The following LRRC71 variants were observed in gnomAD, a reference collection of about 807,000 sequenced individuals.
The protein encoded by LRRC71 is leucine-rich repeat-containing protein 71.
A neutral mutation model predicts 66.6 loss-of-function variants in LRRC71; 54 were observed. The observed-to-expected ratio is 0.81, with a 90% CI of 0.65 to 1.02. The LOEUF (loss-of-function observed/expected upper bound fraction) is 1.02, where lower values mean the gene tolerates loss of function less well. Ranked by LOEUF, LRRC71 falls within the 50% of genes least tolerant of loss-of-function variation. The pLI, the probability that LRRC71 is intolerant of heterozygous loss-of-function variation, is 0.00. For synonymous variants in LRRC71, 323 were observed against 303.9 expected (o/e 1.06, Z -0.65); for missense variants, 724 against 718.0 (o/e 1.01, Z -0.10).
rs1476340326 is a variant in LRRC71 at position 156,927,609 on chromosome 1, T to C, written c.776T>C (p.Leu259Pro). 6.2e-7 allele frequency: 1 copy of C among 1,602,390 alleles called. No individual in the cohort carries two copies. ...SCNRTLVSLNLGFNHIGDEGA... is the reference protein window; with the variant it reads ...SCNRTLVSLNPGFNHIGDEGA... Reference sequence around the variant, plus strand: ...AACCGGACCCTCGTCTCGCTCAACCTGGGTTTCAACCACATCGGTGACGAG... The same window carrying C: ...AACCGGACCCTCGTCTCGCTCAACCCGGGTTTCAACCACATCGGTGACGAG... Residue 259 changes from leucine to proline, a missense_variant, in exon 7 of 15, where the codon CTG becomes CCG. By Grantham distance (98) the Leu-to-Pro change is moderately conservative. Coordinates refer to ENST00000337428, the MANE Select transcript of LRRC71 (RefSeq NM_144702.3).
the LRRC71 span, chr1:156,940,259 G>C: frequency 6.2e-7 from 1 of 1,611,106 alleles, no homozygotes; most frequent in Admixed American, 1.7e-5. Flanking sequence ...GGCCTGGGAA[G>C]GCCAAGTGGA....
chr1:156,924,777 C>T, intron 4 of LRRC71, 59 bp downstream of exon 4: 1 of 1,537,322 alleles, frequency 6.5e-7, no homozygotes, highest in Non-Finnish European at 8.8e-7. Flanking sequence ...CTCCTGGTGG[C>T]TTGGGAGAGA....
At chr1:156,930,988 C>T (rs774914967) in intron 12 of LRRC71, among the ~76,000 whole-genome samples, 20 of 152,326 alleles carry the variant, frequency 1.3e-4, no homozygotes, top group Non-Finnish European at 2.2e-4. Flanking sequence ...AGGAACAATG[C>T]GTCTTCTTTT....
chr1:156,927,562 G>A lies in LRRC71; in HGVS notation c.729G>A (p.Ala243=), dbSNP rs755236633. Reference sequence around the variant, plus strand: ...GCGGGGCGCAACTCCTGGGCCAGGCGCTGTCCACGCTGCACAGCTGCAACC... The same window carrying A: ...GCGGGGCGCAACTCCTGGGCCAGGCACTGTCCACGCTGCACAGCTGCAACC... The part of the protein sequence containing the change: ...DDRGAQLLGQ[A]LSTLHSCNRT... The change falls in exon 7 of 15, where the codon GCG becomes GCA. Residue 243 remains alanine, a synonymous_variant. Transcript: ENST00000337428. 2.5e-6 allele frequency: 4 copies of A among 1,583,248 alleles called. No homozygotes were observed. Among genetic ancestry groups the A allele is most frequent in the South Asian group, 2.3e-5 (2 of 86,254 alleles).
chr1:156,927,762 G>T lies in LRRC71; in HGVS notation c.852G>T (p.Trp284Cys). ...TCCGGCTGAACCGTTCCCTGCTCTG[G>T]CTGTCCCTGGCCCACAACCGCATCC... ...DGLRLNRSLL[W>C]LSLAHNRIQD... Residue 284 changes from tryptophan (W) to cysteine (C), a missense_variant, in exon 8 of 15, where the codon TGG (tryptophan) becomes TGT (cysteine). Coordinates refer to ENST00000337428, the MANE Select transcript of LRRC71 (RefSeq NM_144702.3). The T allele has an allele frequency of 6.2e-7, 1 of 1,611,394 alleles. No individual in the cohort carries two copies. The highest frequency in any genetic ancestry group is 8.5e-7 in the Non-Finnish European group (1 of 1,179,734).
rs767024163 is a variant in LRRC71, at chr1:156,920,883, C to T, written c.80C>T (p.Thr27Ile). 6.5e-6 allele frequency: 10 copies of T among 1,540,160 alleles called. No homozygotes were observed. Among genetic ancestry groups the T allele is most frequent in the Non-Finnish European group, 8.8e-6 (10 of 1,142,838 alleles). Residue 27 changes from threonine to isoleucine, a missense_variant, in exon 1 of 15, where the codon ACC becomes ATC. Physicochemically the swap from Thr to Ile is moderately conservative, Grantham distance 89 (BLOSUM62 -1). Transcript: ENST00000337428. This position sits in a 1 kb window ranked among gnomAD's most constrained non-coding sequence, Gnocchi z 4.9. ...ACCCAGAAGTCTTCTGGCGCGGTGA[C>T]CAAAAAGGGAGAGCGCGCGGCCAAA... The part of the protein sequence containing the change: ...PGTQKSSGAV[T>I]KKGERAAKEK...
chr1:156,922,419 G>A lies in LRRC71; in HGVS notation c.160+1456G>A, dbSNP rs149355508. On this transcript the variant is annotated intron_variant, in intron 1 of 14. Transcript: ENST00000337428. ...TAGCAGACACCAACTGTGTGCTGTG[G>A]CAGGGGCAGATGTGGGCTCGTGTCC... 5.6e-4 allele frequency among the ~76,000 whole-genome samples: 86 copies of A among 152,308 alleles called. No individual in the cohort carries two copies. In the East Asian group the frequency reaches 0.016, roughly 28 times the overall value.
At chr1:156,940,119 G>A in the LRRC71 span, 10 of 1,456,284 alleles carry the variant, frequency 6.9e-6, no homozygotes, top group African/African-American at 4.3e-5. Flanking sequence ...AGAGCCTTCG[G>A]GAAGGTGGAG....
downstream of LRRC71, chr1:156,934,947 T>A (rs1248092828): frequency 6.7e-6 from 1 of 148,238 alleles, no homozygotes; most frequent in African/African-American, 2.5e-5. Flanking sequence ...ATATCTATAT[T>A]TTATATATTA....
At chr1:156,927,694 G>GTCC (rs1653430433) in intron 7 of LRRC71, 39 bp downstream of exon 7, 2 of 1,605,390 alleles carry the variant, frequency 1.2e-6, no homozygotes, top group African/African-American at 2.7e-5. Context: ...GGGAGCAGGG[G>GTCC]CGGCTTGGGC....
chr1:156,940,240 T>C, the LRRC71 span: 6 of 1,604,262 alleles, frequency 3.7e-6, no homozygotes, highest in Non-Finnish European at 3.4e-6. Context: ...AGCCCTTCCA[T>C]GAACAGAGGG....
Position 156,929,441 on chromosome 1 carries a change from A to G in LRRC71, c.1146+12A>G, listed in dbSNP as rs773051099. The G allele has an allele frequency of 4.2e-5, 68 of 1,613,692 alleles. No homozygotes were observed. The highest frequency in any genetic ancestry group is 1.5e-4 in the African/African-American group (11 of 74,910). On this transcript the variant is annotated intron_variant, in intron 10 of 14. Coordinates refer to ENST00000337428, the MANE Select transcript of LRRC71 (RefSeq NM_144702.3). ...AGGAGAAATCATGGGTAGGTGTGCA[A>G]TGGGACAGATCCTGGGTGCTGGACG...
intron 6 of LRRC71, 107 bp downstream of exon 6, chr1:156,927,377 C>G (rs939836467): frequency 1.3e-5 from 20 of 1,523,724 alleles, no homozygotes; most frequent in Non-Finnish European, 1.8e-5. Flanking sequence ...CAAGGGCCCT[C>G]GATTTCTGCC....
chr1:156,929,284 C>T lies in LRRC71; in HGVS notation c.1001C>T (p.Ser334Phe). ...KGTQERSRSPSSSRHGDSKTD... is the reference protein window; with the variant it reads ...KGTQERSRSPFSSRHGDSKTD... The stretch of plus-strand genomic sequence containing the variant: ...CCCTCCCATTTGTGAGCACAGCCCT[C>T]CTCCTCTCGACACGGGGACTCCAAA... Residue 334 changes from serine (S) to phenylalanine (F), a missense_variant, in exon 10 of 15, where the codon TCC becomes TTC. By Grantham distance (155) the Ser-to-Phe change is radical (BLOSUM62 -2). Coordinates refer to ENST00000337428, the MANE Select transcript of LRRC71 (RefSeq NM_144702.3). The T allele has an allele frequency of 6.2e-7, 1 of 1,601,770 alleles. No homozygotes were observed. The highest frequency in any genetic ancestry group is 8.5e-7 in the Non-Finnish European group (1 of 1,173,938).
downstream of LRRC71, among the ~76,000 whole-genome samples, chr1:156,934,064 C>A (rs540947404): frequency 6.6e-6 from 1 of 152,324 alleles, no homozygotes; most frequent in South Asian, 2.1e-4. Flanking sequence ...CTTTGAATTC[C>A]CAACACTGAA....
chr1:156,939,410 C>T, the LRRC71 span: 3 of 1,229,008 alleles, frequency 2.4e-6, no homozygotes, highest in Admixed American at 4.5e-5. Flanking sequence ...GGCGTTGTCT[C>T]CTTCTTCCAG....
In LRRC71 at chr1:156,924,564, T is replaced by TACCC; in HGVS notation, c.439+12_439+13insACCC. 4 of 1,531,560 alleles carry TACCC rather than the reference T, an allele frequency of 2.6e-6. No individual in the cohort carries two copies. Among genetic ancestry groups the TACCC allele is most frequent in the Non-Finnish European group, 3.5e-6 (4 of 1,131,738 alleles). The allele number at this position is 1,531,560 out of a possible 1,614,324, so 94.9% of individuals were successfully genotyped here. The stretch of plus-strand genomic sequence containing the variant: ...AATCTACATCCGCGGTGAGCCCCGC[T>TACCC]CCCCCCACCCGCCCCAGCTCCCTCC... On this transcript the variant is annotated intron_variant, in intron 3 of 14. Transcript: ENST00000337428.
At chr1:156,934,704 G>A (rs1488591158), downstream of LRRC71, 1 of 151,874 alleles carries the variant, frequency 6.6e-6, no homozygotes, top group Non-Finnish European at 1.5e-5. Flanking sequence ...GAAGCTCTGG[G>A]AGGGAACAGG....
At chr1:156,940,381 G>A in the LRRC71 span, 2 of 1,612,788 alleles carry the variant, frequency 1.2e-6, no homozygotes, top group African/African-American at 2.7e-5. Context: ...GGGTCCTCTA[G>A]CAGGACCTGG....
Sources: gnomAD v4.1 joint callset for allele counts (sites outside exome capture counted in the v4.1 genomes callset) on GRCh38, gnomAD v4.1.1 for gene constraint, Gnocchi (gnomAD v3.1) non-coding constraint, MANE v1.5 for transcripts, NCBI Gene and HGNC (gene_info 2026-07-23, HGNC 2026-07-21) for gene names.